LSAMP: variants seen among roughly 807,000 people sequenced by gnomAD.
LSAMP encodes limbic system associated membrane protein.
A neutral mutation model predicts 38.6 loss-of-function variants in LSAMP; 7 were observed. That is an observed-to-expected ratio of 0.18 (90% CI 0.10 to 0.34). The LOEUF is 0.34. Ranked by LOEUF, LSAMP falls within the 10% of genes least tolerant of loss-of-function variation. The probability of loss-of-function intolerance (pLI) is 1.00; values close to 1 mark genes in which losing one functional copy is unlikely to be tolerated. For missense variants in LSAMP, 313 were observed against 420.0 expected, an observed-to-expected ratio of 0.75 and a Z score of 2.23; for synonymous variants, 154 against 166.8, an observed-to-expected ratio of 0.92 and a Z score of 0.59.
intron 1 of LSAMP, among the ~76,000 whole-genome samples, chr3:116,212,324 CTT>C (rs906957265): frequency 2.6e-5 from 4 of 152,030 alleles, no homozygotes; most frequent in African/African-American, 9.7e-5. Flanking sequence ...GTGAAGGTTT[CTT>C]TTTTTGTTTT....
At chr3:116,076,851 G>A (rs1707754637) in intron 2 of LSAMP, among the ~76,000 whole-genome samples, 1 of 151,892 alleles carries the variant, frequency 6.6e-6, no homozygotes, top group African/African-American at 2.4e-5. Context: ...TTGCATTTAT[G>A]TTCTCTCCAT....
chr3:116,191,977 A>T (rs533285550), intron 1 of LSAMP, among the ~76,000 whole-genome samples: 1 of 152,278 alleles, frequency 6.6e-6, no homozygotes, highest in Non-Finnish European at 1.5e-5. Flanking sequence ...CTCCATCTGC[A>T]TACTAGGAAC....
At chr3:116,036,354 CTTT>C (rs1267945399) in intron 2 of LSAMP, among the ~76,000 whole-genome samples, 1 of 152,118 alleles carries the variant, frequency 6.6e-6, no homozygotes, top group Non-Finnish European at 1.5e-5. Context: ...TCCATTTCTT[CTTT>C]ATTTTCTGAC....
At chr3:116,274,412 T>A (rs2047019586) in intron 1 of LSAMP, among the ~76,000 whole-genome samples, 2 of 152,234 alleles carry the variant, frequency 1.3e-5, no homozygotes, top group Admixed American at 1.3e-4. Flanking sequence ...TCAAATGTTA[T>A]CTGACTGAAA....
At chr3:116,183,417 G>C (rs1049750291) in intron 1 of LSAMP, among the ~76,000 whole-genome samples, 95 of 151,948 alleles carry the variant, frequency 6.3e-4, no homozygotes, top group African/African-American at 2.2e-3. Context: ...AGAGGATAGT[G>C]TATCAGGTAA....
intron 1 of LSAMP, among the ~76,000 whole-genome samples, chr3:116,304,130 C>T (rs2107709458): frequency 6.6e-6 from 1 of 152,286 alleles, no homozygotes; most frequent in Middle Eastern, 3.4e-3. Context: ...AACAAAGATA[C>T]TTAGCTATCG....
intron 1 of LSAMP, among the ~76,000 whole-genome samples, chr3:116,291,203 T>C (rs1370829066): frequency 2.0e-5 from 3 of 152,202 alleles, no homozygotes; most frequent in African/African-American, 4.8e-5. Context: ...TAATTAGAGT[T>C]CACATATATG....
intron 1 of LSAMP, among the ~76,000 whole-genome samples, chr3:116,161,956 G>A (rs1464595134): frequency 1.3e-5 from 2 of 151,788 alleles, no homozygotes; most frequent in Admixed American, 6.6e-5. Flanking sequence ...GGGGAATAGC[G>A]GATTTGAATG....
At position 115,950,418 on chromosome 3, in the gene LSAMP, G is replaced by A. The variant is rs577891666; in HGVS notation, c.514+69097C>T. On this transcript the variant is annotated intron_variant, in intron 3 of 6. Transcript: ENST00000490035. ...ATACAAAAATCAATGTATACAAATC[G>A]GTACCACTGCTATACATCAACAACG... Among the ~76,000 whole-genome samples, 19 of 151,728 alleles carry A rather than the reference G, an allele frequency of 1.3e-4. No individual in the cohort carries two copies. In the East Asian group the frequency reaches 2.5e-3, roughly 20 times the overall value.
chr3:116,342,894 T>C (rs1338558170), intron 1 of LSAMP, among the ~76,000 whole-genome samples: 1 of 152,096 alleles, frequency 6.6e-6, no homozygotes, highest in African/African-American at 2.4e-5. Flanking sequence ...TCAGTGACTG[T>C]AGGATCATTT....
intron 1 of LSAMP, among the ~76,000 whole-genome samples, chr3:116,299,635 G>T (rs1224048701): frequency 6.6e-6 from 1 of 152,140 alleles, no homozygotes; most frequent in East Asian, 1.9e-4. Flanking sequence ...GGCTCTCCAG[G>T]TTTCAGAATC....
intron 1 of LSAMP, among the ~76,000 whole-genome samples, chr3:116,432,636 G>A (rs897876524): frequency 9.2e-5 from 14 of 151,920 alleles, no homozygotes; most frequent in Admixed American, 2.0e-4. Context: ...TCTTGTGAAT[G>A]TAGCTATATT....
chr3:116,027,480 A>G (rs1374392177), intron 2 of LSAMP, among the ~76,000 whole-genome samples: 1 of 152,162 alleles, frequency 6.6e-6, no homozygotes, highest in African/African-American at 2.4e-5. Context: ...CCTGCTTTAT[A>G]CATCAGACTA....
At chr3:115,857,638 G>C (rs1313474762) in intron 3 of LSAMP, among the ~76,000 whole-genome samples, 1 of 152,144 alleles carries the variant, frequency 6.6e-6, no homozygotes, top group Non-Finnish European at 1.5e-5. Context: ...CTAGTGTTTA[G>C]TTTAAATCTC....
At chr3:115,848,546 G>C (rs76567580) in intron 4 of LSAMP, among the ~76,000 whole-genome samples, 211 of 152,334 alleles carry the variant, frequency 1.4e-3, no homozygotes, top group African/African-American at 4.9e-3. Context: ...GGTGTCTCCA[G>C]TCCCAATTGG....
At chr3:115,946,676 C>G (rs533809205) in intron 3 of LSAMP, among the ~76,000 whole-genome samples, 1 of 152,112 alleles carries the variant, frequency 6.6e-6, no homozygotes, top group African/African-American at 2.4e-5. Flanking sequence ...GCAAGCCCTT[C>G]GTTGGAAAAT....
chr3:116,055,910 C>T (rs1400132063), intron 2 of LSAMP, among the ~76,000 whole-genome samples: 1 of 151,946 alleles, frequency 6.6e-6, no homozygotes, highest in Non-Finnish European at 1.5e-5. Context: ...AGAGTTTGCA[C>T]TTGGAGTATA....
intron 3 of LSAMP, among the ~76,000 whole-genome samples, chr3:115,918,972 C>T (rs1220420003): frequency 6.6e-6 from 1 of 152,114 alleles, no homozygotes; most frequent in Non-Finnish European, 1.5e-5. Flanking sequence ...AAAACTCAGA[C>T]CTAATGGACT....
At position 115,928,973 on chromosome 3, in the gene LSAMP, G is replaced by GTTTTTTTTTTTTT. The variant is rs67711628; in HGVS notation, c.515-76369_515-76357dup. 6.3e-3 allele frequency among the ~76,000 whole-genome samples: 692 copies of GTTTTTTTTTTTTT among 109,678 alleles called. 5 individuals are homozygous for GTTTTTTTTTTTTT. Among genetic ancestry groups the GTTTTTTTTTTTTT allele is most frequent in the Non-Finnish European group, 8.0e-3 (456 of 56,764 alleles). The allele number at this position is 109,678 out of a possible 152,430, so 72.0% of individuals were successfully genotyped here. ...GGCTTATCATGCAGGTTTTTTGTTT[G>GTTTTTTTTTTTTT]TTTTTTTTTTTTTTTTTGCTTGTTT... On this transcript the variant is annotated intron_variant, in intron 3 of 6. Coordinates refer to ENST00000490035, the MANE Select transcript of LSAMP (RefSeq NM_002338.5).
Sources: gnomAD v4.1 joint callset for allele counts (sites outside exome capture counted in the v4.1 genomes callset) on GRCh38, gnomAD v4.1.1 for gene constraint, MANE v1.5 for transcripts, NCBI Gene and HGNC (gene_info 2026-07-23, HGNC 2026-07-21) for gene names.